The following ABCA9 variants were observed in gnomAD, a reference collection of about 807,000 sequenced individuals.
The protein encoded by ABCA9 is ATP binding cassette subfamily A member 9, also known as ATP-binding cassette sub-family A member 9.
A neutral mutation model predicts 205.3 loss-of-function variants in ABCA9; 183 were observed. That is an observed-to-expected ratio of 0.89 (90% confidence interval 0.79 to 1.01). The LOEUF (loss-of-function observed/expected upper bound fraction) is 1.01, where lower values mean the gene tolerates loss of function less well. Ranked by LOEUF, ABCA9 falls within the 50% of genes least tolerant of loss-of-function variation. The pLI is 0.00. For synonymous variants in ABCA9, 651 were observed against 683.3 expected (o/e 0.95, Z 0.74); for missense variants, 1,805 against 1,912.4 (o/e 0.94, Z 1.05).
chr17:69,022,069 T>C (rs1195931758), intron 17 of ABCA9: 1 of 289,358 alleles, frequency 3.5e-6, no homozygotes, highest in Non-Finnish European at 6.2e-6. Flanking sequence ...ATTTATTTTT[T>C]CACTCTTAGG....
At chr17:68,989,256 T>TCTTTCACACA in intron 30 of ABCA9, 138 bp from the exon 31 acceptor site, 1 of 241,064 alleles carries the variant, frequency 4.1e-6, no homozygotes, top group Non-Finnish European at 8.3e-6. Flanking sequence ...TCTCTCTCTC[T>TCTTTCACACA]CACACACACA....
chr17:69,020,887 T>C (rs1405225729), intron 18 of ABCA9: 2 of 261,892 alleles, frequency 7.6e-6, no homozygotes, highest in East Asian at 1.8e-4. Flanking sequence ...AATCTATTTG[T>C]TGTAAAAGAT....
chr17:69,051,052 T>C lies in ABCA9; in HGVS notation c.75A>G (p.Arg25=), dbSNP rs1314097461. Reference sequence around the variant, plus strand: ...ATACCAACAAGGTCTGTCTTTTCATTCTCCATTTTTTGAGACAGTTCTTGC... The same window carrying C: ...ATACCAACAAGGTCTGTCTTTTCATCCTCCATTTTTTGAGACAGTTCTTGC... The part of the protein sequence containing the change: ...LLCKNCLKKW[R]MKRQTLLEWL... The change falls in exon 2 of 39, where the codon AGA becomes AGG. Residue 25 remains arginine, a synonymous_variant. Coordinates refer to ENST00000340001, the MANE Select transcript of ABCA9 (RefSeq NM_080283.4). 2 of 1,613,672 alleles carry C rather than the reference T, an allele frequency of 1.2e-6. No homozygotes were observed. Among genetic ancestry groups the C allele is most frequent in the East Asian group, 4.5e-5 (2 of 44,862 alleles).
chr17:68,984,959 G>A lies in ABCA9; in HGVS notation c.4305C>T (p.Ile1435=), dbSNP rs1461820257. The A allele has an allele frequency of 6.2e-7, 1 of 1,614,128 alleles. No homozygotes were observed. The highest frequency in any genetic ancestry group is 8.5e-7 in the Non-Finnish European group (1 of 1,180,018). The stretch of plus-strand genomic sequence containing the variant: ...GAAGCACCACTGACGGGTTCCCCAG[G>A]ATGCTCAGCACAAAGCACAGCTGCA... The part of the protein sequence containing the change: ...IKRKLCFVLS[I]LGNPSVVLLD... The change falls in exon 34 of 39, where the codon ATC becomes ATT. Residue 1435 remains isoleucine, a synonymous_variant. Transcript: ENST00000340001.
chr17:68,990,280 A>G (rs2069405542), intron 29 of ABCA9, among the ~76,000 whole-genome samples: 1 of 152,228 alleles, frequency 6.6e-6, no homozygotes, highest in South Asian at 2.1e-4. Flanking sequence ...TTGGTTATAA[A>G]ACACAAAATC....
intron 6 of ABCA9, among the ~76,000 whole-genome samples, chr17:69,038,986 C>T (rs905001904): frequency 6.6e-6 from 1 of 151,990 alleles, no homozygotes; most frequent in Non-Finnish European, 1.5e-5. Context: ...GAATAAAATA[C>T]CTAGGAATAC....
upstream of ABCA9, among the ~76,000 whole-genome samples, chr17:69,063,683 G>A (rs1352520772): frequency 6.6e-6 from 1 of 151,712 alleles, no homozygotes; most frequent in East Asian, 1.9e-4. Context: ...TGCCATTCTC[G>A]TGCCTCAGCC....
chr17:68,994,578 C>T (rs1421051864), intron 26 of ABCA9, among the ~76,000 whole-genome samples: 1 of 152,076 alleles, frequency 6.6e-6, no homozygotes, highest in Admixed American at 6.6e-5. Flanking sequence ...CTTTTTTTCT[C>T]CAAATCCCAA....
rs370954353 is a variant in ABCA9 at position 68,983,761 on chromosome 17, G to C, written c.4588C>G (p.Pro1530Ala). Residue 1530 changes from proline to alanine, a missense_variant, in exon 36 of 39, where the codon CCC (proline) becomes GCC (alanine). Pro to Ala is a conservative substitution (Grantham distance 27, BLOSUM62 -1). Transcript: ENST00000340001. ...MKLKNLAQME[P>A]LHAEILRLFP... ...AGCCTCAGGATCTCTGCATGGAGGG[G>C]CTCCATTTGTGCCAGGTTCTTCAGC... is the stretch of plus-strand genomic sequence containing the variant. 75 of 1,614,168 alleles carry C rather than the reference G, an allele frequency of 4.6e-5. No homozygotes were observed. In the African/African-American group the frequency reaches 7.5e-4, roughly 16 times the overall value.
Position 69,016,368 on chromosome 17 carries a change from C to G in ABCA9, c.2924G>C (p.Cys975Ser). The part of the protein sequence containing the change: ...DEKDHRFSIA[C>S]NTKRLNCFPV... ...AAAGCAATTCAGCCGTTTTGTATTA[C>G]ATGCTATTGAAAATCTGTGATCCTG... Residue 975 changes from cysteine (C) to serine (S), a missense_variant, in exon 22 of 39, where the codon TGT (cysteine) becomes TCT (serine). Physicochemically the swap from Cys to Ser is moderately radical, Grantham distance 112. Coordinates refer to ENST00000340001, the MANE Select transcript of ABCA9 (RefSeq NM_080283.4). 6.3e-7 allele frequency: 1 copy of G among 1,592,084 alleles called. No individual in the cohort carries two copies. Among genetic ancestry groups the G allele is most frequent in the Non-Finnish European group, 8.5e-7 (1 of 1,172,420 alleles).
In ABCA9 at chr17:68,975,952, G is replaced by A. The variant is rs148330421; in HGVS notation, c.4838C>T (p.Ser1613Leu). 66 of 1,613,532 alleles carry A rather than the reference G, an allele frequency of 4.1e-5. No homozygotes were observed. In the African/African-American group the frequency reaches 4.9e-4, roughly 12 times the overall value. The change falls in exon 39 of 39, where the codon TCG (serine) becomes TTG (leucine). Residue 1613 changes from serine to leucine, a missense_variant. Coordinates refer to ENST00000340001, the MANE Select transcript of ABCA9 (RefSeq NM_080283.4). ...LGDLEEDFDP[S>L]VKWKLLLQEE... is the part of the protein sequence containing the mutation. ...CTGCAGGAGGAGTTTCCACTTCACCGAGGGATCAAAGTCCTCTTCAAGATC... is the reference window on the plus strand; with the variant it reads ...CTGCAGGAGGAGTTTCCACTTCACCAAGGGATCAAAGTCCTCTTCAAGATC...
In ABCA9 at chr17:69,021,876, A is replaced by C; in HGVS notation, c.2282-15T>G. 7.1e-7 allele frequency: 1 copy of C among 1,408,624 alleles called. No homozygotes were observed. Among genetic ancestry groups the C allele is most frequent in the Non-Finnish European group, 9.6e-7 (1 of 1,039,096 alleles). 87.3% of individuals were successfully genotyped at this position (1,408,624 alleles called of 1,614,324 possible). A position where few individuals can be genotyped will look rare whatever the true frequency, so the allele number is the denominator to read the frequency against. On this transcript the variant is annotated splice_polypyrimidine_tract_variant and intron_variant, in intron 17 of 38. Transcript: ENST00000340001. ...CCTGTAAAGTTCTAAAAGTGGATAC[A>C]AAAACAGATTATAAGAATATAATTT...
intron 19 of ABCA9, among the ~76,000 whole-genome samples, chr17:69,019,299 A>G (rs1372761904): frequency 1.3e-5 from 2 of 152,200 alleles, no homozygotes; most frequent in Non-Finnish European, 2.9e-5. Context: ...AAAATAAAAA[A>G]TACAGTCTTA....
Position 69,049,434 on chromosome 17 carries a change from TA to T in ABCA9, c.152del (p.Leu51TyrfsTer18), listed in dbSNP as rs770958533. 6.2e-7 allele frequency: 1 copy of T among 1,613,120 alleles called. No individual in the cohort carries two copies. The highest frequency in any genetic ancestry group is 1.7e-5 in the Admixed American group (1 of 59,898). ...TTTGAGGAGTGTCATGAACTTGATG[TA>T]AATTGGAGAAAAATAGGTACAGAAA... is the stretch of plus-strand genomic sequence containing the variant. ...VLFLYLFFSNLHQVHDTPQMS... is the reference protein window; with the variant it reads ...VLFLYLFFSNXHQVHDTPQMS... On this transcript the variant is annotated frameshift_variant, in exon 3 of 39. Transcript: ENST00000340001. LOFTEE classifies it high-confidence loss of function.
chr17:69,077,803 A>ATT, the ABCA9 span, among the ~76,000 whole-genome samples: 1 of 147,654 alleles, frequency 6.8e-6, no homozygotes, highest in African/African-American at 2.5e-5. Flanking sequence ...TGGTCTTTGA[A>ATT]TTTTTTTTTT....
At chr17:69,058,704 T>C (rs1006829656) in intron 1 of ABCA9, among the ~76,000 whole-genome samples, 19 of 152,034 alleles carry the variant, frequency 1.2e-4, no homozygotes, top group African/African-American at 4.4e-4. Flanking sequence ...CTGGGTGTGG[T>C]GGCGAGTGCC....
At position 69,021,834 on chromosome 17, in the gene ABCA9, G is replaced by A; in HGVS notation, c.2309C>T (p.Ser770Phe). ...PELYRDLDRC[S>F]NQGIEDYGVS... is the part of the protein sequence containing the mutation. ...ACCATAATCCTCAATGCCTTGGTTA[G>A]AACATCTATCAAGATCCCTGTAAAG... Residue 770 changes from serine (S) to phenylalanine (F), a missense_variant, in exon 18 of 39, where the codon TCT (serine) becomes TTT (phenylalanine). Transcript: ENST00000340001. 6.4e-7 allele frequency: 1 copy of A among 1,573,682 alleles called. No homozygotes were observed. The highest frequency in any genetic ancestry group is 8.7e-7 in the Non-Finnish European group (1 of 1,154,458).
chr17:69,016,187 A>G (rs1381747150), intron 22 of ABCA9, 66 bp downstream of exon 22: 3 of 1,253,752 alleles, frequency 2.4e-6, no homozygotes, highest in Non-Finnish European at 3.2e-6. Context: ...ACATTATTTT[A>G]GCATTTCAAG....
In ABCA9 at chr17:69,016,402, CA is replaced by C. The variant is rs778753794; in HGVS notation, c.2902-13del. On this transcript the variant is annotated splice_polypyrimidine_tract_variant and intron_variant, in intron 21 of 38. Coordinates refer to ENST00000340001, the MANE Select transcript of ABCA9 (RefSeq NM_080283.4). ...GAAAATCTGTGATCCTGAAATACAA[CA>C]AGTACCAATTCGAAGTCTTCATAAA... 6.4e-7 allele frequency: 1 copy of C among 1,565,206 alleles called. No individual in the cohort carries two copies. The highest frequency in any genetic ancestry group is 1.2e-5 in the South Asian group (1 of 82,368).
Sources: allele counts gnomAD v4.1 joint callset (sites outside exome capture counted in the v4.1 genomes callset), GRCh38; gene constraint gnomAD v4.1.1; transcripts MANE v1.5; gene names NCBI Gene and HGNC (gene_info 2026-07-23, HGNC 2026-07-21).